The following NUDCD1 variants were observed in gnomAD, a reference collection of about 807,000 sequenced individuals.
The protein encoded by NUDCD1 is NudC domain containing 1, also known as nudC domain-containing protein 1.
NUDCD1 carries 60 observed loss-of-function variants against 67.8 expected under a neutral mutation model. That is an observed-to-expected ratio of 0.88 (90% CI 0.72 to 1.10). NUDCD1 has a LOEUF of 1.10. Ranked by LOEUF, NUDCD1 falls within the 50% of genes least tolerant of loss-of-function variation. NUDCD1 has a pLI of 0.00. For missense variants in NUDCD1, 643 were observed against 695.0 expected, an observed-to-expected ratio of 0.93 and a Z score of 0.84; for synonymous variants, 244 against 230.8, an observed-to-expected ratio of 1.06 and a Z score of -0.52.
intron 2 of NUDCD1, among the ~76,000 whole-genome samples, chr8:109,306,689 A>C (rs1367643303): frequency 6.8e-6 from 1 of 147,182 alleles, no homozygotes; most frequent in Non-Finnish European, 1.5e-5. Context: ...GGTCCTCCCA[A>C]TTCTTAGTCC....
Position 109,275,348 on chromosome 8 carries a change from T to C in NUDCD1, c.1173+4A>G. The C allele has an allele frequency of 6.2e-7, 1 of 1,612,294 alleles. No individual in the cohort carries two copies. Among genetic ancestry groups the C allele is most frequent in the South Asian group, 1.1e-5 (1 of 90,668 alleles). On this transcript the variant is annotated splice_donor_region_variant and intron_variant, in intron 7 of 9. Transcript: ENST00000239690. ...AAAGTCACACTACTATTCCAACTAC[T>C]TACCAGTTCTTCAGAGGTCAAATGC...
At chr8:109,290,971 A>C (rs376385440) in intron 4 of NUDCD1, among the ~76,000 whole-genome samples, 2 of 152,166 alleles carry the variant, frequency 1.3e-5, no homozygotes, top group East Asian at 1.9e-4. Flanking sequence ...CAAAACTCCT[A>C]CACTTCCCCT....
rs1331059380 is a variant in NUDCD1 at position 109,241,761 on chromosome 8, A to G, written c.*1248T>C. Reference sequence around the variant, plus strand: ...GTCAAATACTTGCCCAGACAGGCAAAAGATATGTTAGGAACAAAGCTTTTC... The same window carrying G: ...GTCAAATACTTGCCCAGACAGGCAAGAGATATGTTAGGAACAAAGCTTTTC... On this transcript the variant is annotated 3_prime_UTR_variant, in exon 10 of 10. Coordinates refer to ENST00000239690, the MANE Select transcript of NUDCD1 (RefSeq NM_032869.4). 4.2e-6 allele frequency: 1 copy of G among 236,592 alleles called. No homozygotes were observed. The highest frequency in any genetic ancestry group is 8.0e-6 in the Non-Finnish European group (1 of 124,516). 14.7% of individuals were successfully genotyped at this position (236,592 alleles called of 1,614,324 possible).
In NUDCD1 at chr8:109,284,005, A is replaced by C. The variant is rs1382287709; in HGVS notation, c.824-2833T>G. Among the ~76,000 whole-genome samples the C allele has an allele frequency of 1.1e-3, 163 of 147,942 alleles. 1 individual carries two copies. Among genetic ancestry groups the C allele is most frequent in the Admixed American group, 2.0e-3 (29 of 14,774 alleles). ...AAGCTGGATTAAAAAAAAAAAAAAA[A>C]AACAAAACAAAAACAAGGCCCATCG... On this transcript the variant is annotated intron_variant, in intron 5 of 9. Coordinates refer to ENST00000239690, the MANE Select transcript of NUDCD1 (RefSeq NM_032869.4).
chr8:109,314,650 A>C (rs1314895688), intron 2 of NUDCD1, among the ~76,000 whole-genome samples: 1 of 151,960 alleles, frequency 6.6e-6, no homozygotes, highest in African/African-American at 2.4e-5. Context: ...CCCCAAATCA[A>C]CCTTGAATGT....
chr8:109,259,459 T>C (rs897659921), intron 8 of NUDCD1, among the ~76,000 whole-genome samples: 3 of 152,208 alleles, frequency 2.0e-5, no homozygotes, highest in African/African-American at 4.8e-5. Context: ...ACTGTCATTA[T>C]GGATAAGAAG....
chr8:109,276,594 AATAAT>A (rs1338082646), intron 6 of NUDCD1, among the ~76,000 whole-genome samples: 5 of 151,858 alleles, frequency 3.3e-5, no homozygotes, highest in African/African-American at 7.3e-5. Flanking sequence ...TATACAAAAT[AATAAT>A]ATGAGTACTT....
At chr8:109,257,863 CTTTA>C (rs1563661276) in intron 8 of NUDCD1, among the ~76,000 whole-genome samples, 1 of 152,050 alleles carries the variant, frequency 6.6e-6, no homozygotes, top group South Asian at 2.1e-4. Context: ...TCTAATAAAA[CTTTA>C]TTTATAAAAA....
chr8:109,314,015 A>G (rs1815326412), intron 2 of NUDCD1: 1 of 343,792 alleles, frequency 2.9e-6, no homozygotes. Flanking sequence ...TAATTTTCAA[A>G]GTACAGTTTA....
chr8:109,262,047 T>C (rs1813874050), intron 8 of NUDCD1, among the ~76,000 whole-genome samples: 1 of 152,184 alleles, frequency 6.6e-6, no homozygotes, highest in Admixed American at 6.5e-5. Context: ...GTTATCAAAC[T>C]ACAAGGGCAA....
intron 8 of NUDCD1, among the ~76,000 whole-genome samples, chr8:109,252,699 C>T (rs1233048399): frequency 6.6e-6 from 1 of 152,162 alleles, no homozygotes; most frequent in African/African-American, 2.4e-5. Context: ...GTCCTCCTGT[C>T]TCCCTCCAAT....
intron 2 of NUDCD1, among the ~76,000 whole-genome samples, chr8:109,308,908 C>A (rs1157443977): frequency 6.7e-6 from 1 of 149,924 alleles, no homozygotes; most frequent in Non-Finnish European, 1.5e-5. Context: ...GGAGGCAGAG[C>A]TTGCAGTGAG....
intron 1 of NUDCD1, among the ~76,000 whole-genome samples, chr8:109,329,402 C>A (rs1475988112): frequency 2.2e-4 from 34 of 152,048 alleles, no homozygotes; most frequent in Admixed American, 2.2e-3. Context: ...ATAAAGAAAA[C>A]CACAGCTGGC....
rs1367404336 is a variant in NUDCD1 at position 109,270,988 on chromosome 8, TAATATC to T, written c.1299+11_1299+16del. The T allele has an allele frequency of 6.6e-7, 1 of 1,525,312 alleles. No homozygotes were observed. Among genetic ancestry groups the T allele is most frequent in the South Asian group, 1.2e-5 (1 of 81,636 alleles). The allele number at this position is 1,525,312 out of a possible 1,614,324, so 94.5% of individuals were successfully genotyped here. A position where few individuals can be genotyped will look rare whatever the true frequency, so the allele number is the denominator to read the frequency against. On this transcript the variant is annotated intron_variant, in intron 8 of 9. Coordinates refer to ENST00000239690, the MANE Select transcript of NUDCD1 (RefSeq NM_032869.4). ...ACTACTGACAAAATTTTAGAAATAT[TAATATC>T]AGTAACTTACCACATGAGTAGTTTT...
At chr8:109,323,846 C>T (rs1815598250) in intron 1 of NUDCD1, among the ~76,000 whole-genome samples, 1 of 151,998 alleles carries the variant, frequency 6.6e-6, no homozygotes, top group Non-Finnish European at 1.5e-5. Context: ...GGATACCTTC[C>T]TCAATAAATG....
In NUDCD1 at chr8:109,271,070, TA is replaced by T; in HGVS notation, c.1233del (p.Asp411GlufsTer18). The T allele has an allele frequency of 6.3e-7, 1 of 1,594,570 alleles. No individual in the cohort carries two copies. Among genetic ancestry groups the T allele is most frequent in the Non-Finnish European group, 8.6e-7 (1 of 1,164,696 alleles). On this transcript the variant is annotated frameshift_variant, in exon 8 of 10. Coordinates refer to ENST00000239690, the MANE Select transcript of NUDCD1 (RefSeq NM_032869.4). LOFTEE classifies it high-confidence loss of function. ...PCNAQELEEC[D>X]IFFEESSSLC... ...AAACTGGAGCTCTCTTCAAAGAAAA[TA>T]TCACATTCTTCTAACTCTTGAGCAT...
Position 109,334,002 on chromosome 8 carries a change from C to T in NUDCD1, c.9G>A (p.Val3=). 1 of 1,614,192 alleles carries T rather than the reference C, an allele frequency of 6.2e-7. No homozygotes were observed. The highest frequency in any genetic ancestry group is 1.3e-5 in the African/African-American group (1 of 75,048). The change falls in exon 1 of 10, where the codon GTG becomes GTA. Residue 3 remains valine, a synonymous_variant. Transcript: ENST00000239690. ME[V]AANCSLRVKR... is the part of the protein sequence containing the mutation. ...TCACCCGTAGGGAGCAATTAGCCGC[C>T]ACCTCCATCGCTTTCCAGGGCCGCA...
At chr8:109,262,812 T>C (rs1376172717) in intron 8 of NUDCD1, among the ~76,000 whole-genome samples, 2 of 151,830 alleles carry the variant, frequency 1.3e-5, no homozygotes, top group African/African-American at 4.8e-5. Context: ...TCCTAGCACT[T>C]TGGGAGACCA....
At chr8:109,291,124 T>C (rs1286891305) in intron 4 of NUDCD1, among the ~76,000 whole-genome samples, 1 of 152,174 alleles carries the variant, frequency 6.6e-6, no homozygotes, top group Non-Finnish European at 1.5e-5. Flanking sequence ...TGGTTAAATA[T>C]GTGGAGAAAT....
Sources: gnomAD v4.1 joint callset for allele counts (sites outside exome capture counted in the v4.1 genomes callset) on GRCh38, gnomAD v4.1.1 for gene constraint, MANE v1.5 for transcripts, NCBI Gene and HGNC (gene_info 2026-07-23, HGNC 2026-07-21) for gene names.